Variants in HMGXB3 observed in about 807,000 individuals in gnomAD.
HMGXB3 encodes HMG domain-containing protein 3.
In HMGXB3, 45 loss-of-function variants were observed where a neutral mutation model predicts 121.5. That is an observed-to-expected ratio of 0.37 (90% CI 0.29 to 0.47). The LOEUF (loss-of-function observed/expected upper bound fraction) is 0.47, where lower values mean the gene tolerates loss of function less well. Among genes scored for constraint, HMGXB3 ranks in the 20% least tolerant of loss-of-function variants. The pLI is 0.99. For synonymous variants in HMGXB3, 590 were observed against 624.1 expected, an observed-to-expected ratio of 0.95 and a Z score of 0.81; for missense variants, 1,376 against 1,602.2, an observed-to-expected ratio of 0.86 and a Z score of 2.41.
chr5:150,022,004 G>A (rs1214482795), intron 6 of HMGXB3: 3 of 376,100 alleles, frequency 8.0e-6, no homozygotes, highest in Non-Finnish European at 1.6e-5. Context: ...GCAGGAGCGG[G>A]CGGACCGCAG....
intron 9 of HMGXB3, 114 bp downstream of exon 9, chr5:150,027,231 G>T: frequency 1.5e-6 from 1 of 676,434 alleles, no homozygotes. Context: ...CAGACCTCTG[G>T]GTGGAGGTTA....
At chr5:150,033,734 AG>A (rs1756435610) in intron 11 of HMGXB3, among the ~76,000 whole-genome samples, 1 of 151,904 alleles carries the variant, frequency 6.6e-6, no homozygotes, top group East Asian at 1.9e-4. Flanking sequence ...ATGGGATGAG[AG>A]TTTGGGAGTA....
chr5:150,014,205 G>A (rs1009687893), intron 5 of HMGXB3, among the ~76,000 whole-genome samples: 3 of 152,250 alleles, frequency 2.0e-5, no homozygotes, highest in East Asian at 1.9e-4. Flanking sequence ...TGCAGACCTC[G>A]GTTACTAACA....
chr5:150,048,225 A>C (rs1369607071), intron 17 of HMGXB3, among the ~76,000 whole-genome samples: 1 of 152,126 alleles, frequency 6.6e-6, no homozygotes, highest in East Asian at 1.9e-4. Context: ...TCCCTTTCAT[A>C]TTTCTGTGCT....
At chr5:150,050,592 G>A (rs1047878510) in intron 19 of HMGXB3, 131 bp downstream of exon 19, 15 of 669,052 alleles carry the variant, frequency 2.2e-5, no homozygotes, top group African/African-American at 1.3e-4. Flanking sequence ...AGCAGTTCTC[G>A]TGCCTCAGCC....
At position 150,041,770 on chromosome 5, in the gene HMGXB3, T is replaced by G. The variant is rs1756639154; in HGVS notation, c.2546-15T>G. 4 of 1,548,570 alleles carry G rather than the reference T, an allele frequency of 2.6e-6. No homozygotes were observed. The South Asian group carries it at 4.8e-5, about 18-fold the overall frequency. On this transcript the variant is annotated splice_polypyrimidine_tract_variant and intron_variant, in intron 14 of 19. Transcript: ENST00000502717. ...TTTTTCTGTGCCCTTCTCAGTGTTC[T>G]TGCTCTTCTTTCAGAGAAGACTCTG...
Position 150,024,570 on chromosome 5 carries a change from T to G in HMGXB3, c.1350T>G (p.Pro450=), listed in dbSNP as rs372239295. 6.4e-7 allele frequency: 1 copy of G among 1,551,622 alleles called. No individual in the cohort carries two copies. Among genetic ancestry groups the G allele is most frequent in the Non-Finnish European group, 8.7e-7 (1 of 1,147,006 alleles). Residue 450 remains proline, a synonymous_variant, in exon 7 of 20, where the codon CCT becomes CCG. Coordinates refer to ENST00000502717, the MANE Select transcript of HMGXB3 (RefSeq NM_014983.3). ...KTPVVKSGVQ[P]EVTLGTTDND... is the part of the protein sequence containing the mutation. ...CAGTCGTCAAAAGTGGTGTGCAGCC[T>G]GAGGTCACTCTGGGGACAACTGACA...
intron 5 of HMGXB3, 51 bp downstream of exon 5, chr5:150,012,404 T>C (rs562657440): frequency 4.8e-6 from 6 of 1,253,022 alleles, no homozygotes; most frequent in Non-Finnish European, 6.9e-6. Context: ...CATAAGCATT[T>C]TTTTTCTAAG....
chr5:150,022,252 TA>T (rs904287352), intron 6 of HMGXB3, among the ~76,000 whole-genome samples: 16 of 152,218 alleles, frequency 1.1e-4, no homozygotes, highest in African/African-American at 3.1e-4. Flanking sequence ...AATTTGTCTC[TA>T]AAAGCTCCAA....
Position 150,024,600 on chromosome 5 carries a change from C to T in HMGXB3, c.1380C>T (p.Asp460=). The part of the protein sequence containing the change: ...PEVTLGTTDN[D]SPGADVPTPS... ...TCACTCTGGGGACAACTGACAATGA[C>T]AGTCCTGGAGCAGACGTACCAACAC... is the stretch of plus-strand genomic sequence containing the variant. The change falls in exon 7 of 20, where the codon GAC becomes GAT. Residue 460 remains aspartate (D), a synonymous_variant. Transcript: ENST00000502717. 6.4e-7 allele frequency: 1 copy of T among 1,551,752 alleles called. No individual in the cohort carries two copies. Among genetic ancestry groups the T allele is most frequent in the South Asian group, 1.2e-5 (1 of 84,050 alleles).
At chr5:150,031,769 C>G (rs1434004115) in intron 10 of HMGXB3, among the ~76,000 whole-genome samples, 2 of 152,146 alleles carry the variant, frequency 1.3e-5, no homozygotes, top group African/African-American at 4.8e-5. Flanking sequence ...ATATTCTGTA[C>G]TAGGATCTGT....
Position 150,027,094 on chromosome 5 carries a change from C to T in HMGXB3, c.1711C>T (p.Pro571Ser). 1 of 1,551,616 alleles carries T rather than the reference C, an allele frequency of 6.4e-7. No homozygotes were observed. Among genetic ancestry groups the T allele is most frequent in the Non-Finnish European group, 8.7e-7 (1 of 1,146,964 alleles). ...GCAGCTGGGCCAGCCCATTCAACAG[C>T]CATCTGGCCCTGGTGAGGTGAAGGT... The part of the protein sequence containing the change: ...LKQLGQPIQQ[P>S]SGPGEVKLPS... The change falls in exon 9 of 20, where the codon CCA (proline) becomes TCA (serine). Residue 571 changes from proline (P) to serine (S), a missense_variant. Around this residue, in one of 2 missense-constraint regions of HMGXB3, gnomAD observed 1,116 missense variants for 1,369.0 expected, o/e 0.82. Coordinates refer to ENST00000502717, the MANE Select transcript of HMGXB3 (RefSeq NM_014983.3).
chr5:150,011,368 T>G (rs1354119963), intron 4 of HMGXB3, among the ~76,000 whole-genome samples: 1 of 152,148 alleles, frequency 6.6e-6, no homozygotes, highest in Non-Finnish European at 1.5e-5. Flanking sequence ...CATGCCATAG[T>G]ATAATATATA....
At chr5:150,032,844 C>G (rs933012271) in intron 11 of HMGXB3, among the ~76,000 whole-genome samples, 1 of 152,144 alleles carries the variant, frequency 6.6e-6, no homozygotes, top group African/African-American at 2.4e-5. Context: ...AGTTCACTCA[C>G]TGCAGAGAAT....
intron 2 of HMGXB3, 143 bp downstream of exon 2, chr5:150,005,132 A>G (rs751248831): frequency 1.7e-6 from 2 of 1,164,086 alleles, no homozygotes; most frequent in Non-Finnish European, 2.3e-6. Context: ...TGGGAAGTGG[A>G]GGGATTTCTG....
chr5:150,015,606 T>C (rs994650937), intron 5 of HMGXB3, among the ~76,000 whole-genome samples: 1 of 152,222 alleles, frequency 6.6e-6, no homozygotes, highest in African/African-American at 2.4e-5. Context: ...TCTTTTCTAA[T>C]GTAGGTGCTT....
intron 17 of HMGXB3, 97 bp downstream of exon 17, chr5:150,047,854 G>T (rs1391652996): frequency 7.3e-7 from 1 of 1,363,610 alleles, no homozygotes; most frequent in East Asian, 2.5e-5. Context: ...GATGGCATCT[G>T]CCTTGGACAC....
chr5:150,044,818 A>G (rs1049394150), intron 15 of HMGXB3, among the ~76,000 whole-genome samples: 1 of 152,230 alleles, frequency 6.6e-6, no homozygotes, highest in Non-Finnish European at 1.5e-5. Flanking sequence ...TGAGAGCCAT[A>G]TAAGAGGGCA....
chr5:150,010,053 G>A, intron 3 of HMGXB3, 58 bp from the exon 4 acceptor site: 2 of 1,478,214 alleles, frequency 1.4e-6, no homozygotes, highest in Non-Finnish European at 1.8e-6. Flanking sequence ...CTCTCTCCAT[G>A]TGGTCTTAGT....
Sources: allele counts gnomAD v4.1 joint callset (sites outside exome capture counted in the v4.1 genomes callset), GRCh38; gene constraint gnomAD v4.1.1; regional missense constraint gnomAD v4.1.1; transcripts MANE v1.5; gene names NCBI Gene and HGNC (gene_info 2026-07-23, HGNC 2026-07-21).